The following FAM91A1 variants were observed in gnomAD, a reference collection of about 807,000 sequenced individuals.
The protein encoded by FAM91A1 is protein FAM91A1.
In FAM91A1, 41 loss-of-function variants were observed where a neutral mutation model predicts 113.5. The observed-to-expected ratio is 0.36, with a 90% CI of 0.28 to 0.47. FAM91A1 has a LOEUF of 0.47. FAM91A1 is among the 20% of genes least tolerant of loss of function. The pLI, the probability that FAM91A1 is intolerant of heterozygous loss-of-function variation, is 1.00. For synonymous variants in FAM91A1, 307 were observed against 347.9 expected (o/e 0.88, Z 1.31); for missense variants, 696 against 1,001.2 (o/e 0.70, Z 4.11).
At chr8:123,801,968 G>C (rs1233971888) in intron 18 of FAM91A1, among the ~76,000 whole-genome samples, 1 of 152,164 alleles carries the variant, frequency 6.6e-6, no homozygotes, top group Non-Finnish European at 1.5e-5. Flanking sequence ...GGGTGAGTTG[G>C]AGTGTGAGGG....
At position 123,785,663 on chromosome 8, in the gene FAM91A1, C is replaced by A; in HGVS notation, c.884C>A (p.Ala295Asp). ...TCAATGTATTGCCGATTGGGCTTTG[C>A]CCATAAGAAGGGACAAGTAATTAAT... is the stretch of plus-strand genomic sequence containing the variant. ...AVSMYCRLGF[A>D]HKKGQVINLD... Residue 295 changes from alanine (A) to aspartate (D), a missense_variant, in exon 11 of 24, where the codon GCC (alanine) becomes GAC (aspartate). Ala to Asp is a moderately radical substitution (Grantham distance 126). Coordinates refer to ENST00000334705, the MANE Select transcript of FAM91A1 (RefSeq NM_144963.4). 1 of 1,608,838 alleles carries A rather than the reference C, an allele frequency of 6.2e-7. No homozygotes were observed. Among genetic ancestry groups the A allele is most frequent in the Admixed American group, 1.7e-5 (1 of 58,504 alleles).
rs542614052 is a variant in FAM91A1, at chr8:123,813,485, A to T, written c.*781A>T. On this transcript the variant is annotated 3_prime_UTR_variant, in exon 24 of 24. Coordinates refer to ENST00000334705, the MANE Select transcript of FAM91A1 (RefSeq NM_144963.4). ...CCACTCTTGTAGCTATAGCTGCTGC[A>T]CACTTTCACCCTGATTTATTTTTTT... 1.3e-5 allele frequency: 2 copies of T among 152,608 alleles called. No individual in the cohort carries two copies. The highest frequency in any genetic ancestry group is 2.9e-5 in the Non-Finnish European group (2 of 68,002). The allele number at this position is 152,608 out of a possible 1,614,324, so 9.5% of individuals were successfully genotyped here. A position where few individuals can be genotyped will look rare whatever the true frequency, so the allele number is the denominator to read the frequency against.
intron 3 of FAM91A1, among the ~76,000 whole-genome samples, chr8:123,776,742 C>T (rs548550849): frequency 2.0e-5 from 3 of 152,150 alleles, no homozygotes; most frequent in African/African-American, 7.2e-5. Context: ...GCCTTATCCC[C>T]ACAGGAAGCA....
At chr8:123,796,988 G>A (rs755586627) in intron 15 of FAM91A1, among the ~76,000 whole-genome samples, 117 of 151,982 alleles carry the variant, frequency 7.7e-4, no homozygotes, top group Middle Eastern at 3.4e-3. Flanking sequence ...TTGAACCTGG[G>A]AGGCAGAGGT....
chr8:123,805,159 T>A lies in FAM91A1; in HGVS notation c.1810-108T>A. 3.8e-6 allele frequency: 3 copies of A among 790,632 alleles called. No individual in the cohort carries two copies. In the South Asian group the frequency reaches 5.6e-5, roughly 15 times the overall value. The allele number at this position is 790,632 out of a possible 1,614,324, so 49.0% of individuals were successfully genotyped here. A position where few individuals can be genotyped will look rare whatever the true frequency, so the allele number is the denominator to read the frequency against. On this transcript the variant is annotated intron_variant, in intron 18 of 23. Transcript: ENST00000334705. ...AATTGTTGAAAGAATTTTGATGAGG[T>A]ATTAATATGGAATATACCATTACAT...
intron 23 of FAM91A1, 80 bp downstream of exon 23, chr8:123,810,431 C>T (rs758964188): frequency 6.5e-5 from 78 of 1,192,140 alleles, no homozygotes; most frequent in Admixed American, 6.4e-4. Flanking sequence ...GTTTTTGAGT[C>T]ACCACAGCAG....
intron 15 of FAM91A1, among the ~76,000 whole-genome samples, chr8:123,792,455 A>G (rs2130110866): frequency 6.6e-6 from 1 of 152,234 alleles, no homozygotes; most frequent in South Asian, 2.1e-4. Context: ...CTCGTTTTCT[A>G]AGCATGATTT....
chr8:123,796,837 G>T (rs1026649014), intron 15 of FAM91A1, among the ~76,000 whole-genome samples: 3 of 150,350 alleles, frequency 2.0e-5, no homozygotes, highest in African/African-American at 7.3e-5. Flanking sequence ...GCCGAGGTGG[G>T]CAGATAACGA....
intron 1 of FAM91A1, among the ~76,000 whole-genome samples, chr8:123,769,978 CAG>C (rs1227321304): frequency 2.9e-5 from 2 of 69,274 alleles, no homozygotes; most frequent in East Asian, 7.0e-4. Flanking sequence ...TTCTTTGAGA[CAG>C]AGTCTCCTGT....
chr8:123,777,609 A>G (rs982980288), intron 4 of FAM91A1, among the ~76,000 whole-genome samples: 2 of 152,210 alleles, frequency 1.3e-5, no homozygotes, highest in African/African-American at 2.4e-5. Context: ...CTGTGTGTAT[A>G]TTGAATGTGG....
chr8:123,776,533 A>G (rs1814987943), intron 3 of FAM91A1, among the ~76,000 whole-genome samples: 1 of 152,212 alleles, frequency 6.6e-6, no homozygotes, highest in Admixed American at 6.5e-5. Flanking sequence ...GGGTAGCATA[A>G]TGAAGGTGGC....
intron 8 of FAM91A1, among the ~76,000 whole-genome samples, chr8:123,783,269 A>G (rs1349395962): frequency 1.3e-5 from 2 of 152,224 alleles, no homozygotes; most frequent in East Asian, 3.8e-4. Context: ...GAAAATGTAT[A>G]TATAAAGTAC....
intron 15 of FAM91A1, among the ~76,000 whole-genome samples, chr8:123,790,570 A>G (rs1815359824): frequency 6.6e-6 from 1 of 152,074 alleles, no homozygotes; most frequent in Non-Finnish European, 1.5e-5. Context: ...CCTAAAAACT[A>G]TTTTTTCTGG....
intron 10 of FAM91A1, 32 bp from the exon 11 acceptor site, chr8:123,785,597 A>G (rs770759392): frequency 1.4e-6 from 2 of 1,380,140 alleles, no homozygotes; most frequent in Admixed American, 3.7e-5. Flanking sequence ...TTTATTTTAA[A>G]TGGTAATTAG....
intron 18 of FAM91A1, among the ~76,000 whole-genome samples, chr8:123,801,198 G>T (rs1815670592): frequency 6.6e-6 from 1 of 152,086 alleles, no homozygotes; most frequent in African/African-American, 2.4e-5. Context: ...GGTGTGGAAT[G>T]GTATCTCATT....
intron 15 of FAM91A1, among the ~76,000 whole-genome samples, chr8:123,792,239 T>G (rs935939156): frequency 6.6e-6 from 1 of 152,176 alleles, no homozygotes; most frequent in Non-Finnish European, 1.5e-5. Context: ...AAAAAGAATT[T>G]TCTTTTTATG....
In FAM91A1 at chr8:123,814,464, C is replaced by A; in HGVS notation, c.*1760C>A. ...AACTGTAATGACATGTACACTAATACAGAATTGAACATTTGTAGTTGTTGG... is the reference window on the plus strand; with the variant it reads ...AACTGTAATGACATGTACACTAATAAAGAATTGAACATTTGTAGTTGTTGG... On this transcript the variant is annotated 3_prime_UTR_variant, in exon 24 of 24. Transcript: ENST00000334705. 1 of 163,452 alleles carries A rather than the reference C, an allele frequency of 6.1e-6. No individual in the cohort carries two copies. Among genetic ancestry groups the A allele is most frequent in the South Asian group, 1.5e-4 (1 of 6,684 alleles). The allele number at this position is 163,452 out of a possible 1,614,324, so 10.1% of individuals were successfully genotyped here. A position where few individuals can be genotyped will look rare whatever the true frequency, so the allele number is the denominator to read the frequency against.
chr8:123,774,978 A>G (rs1814945623), intron 2 of FAM91A1, among the ~76,000 whole-genome samples, 169 bp from the exon 3 acceptor site: 1 of 152,080 alleles, frequency 6.6e-6, no homozygotes, highest in Non-Finnish European at 1.5e-5. Flanking sequence ...ATACTCTAAA[A>G]TCTATTTCAT....
At chr8:123,792,448 G>A (rs1204199726) in intron 15 of FAM91A1, among the ~76,000 whole-genome samples, 2 of 151,928 alleles carry the variant, frequency 1.3e-5, no homozygotes, top group Admixed American at 6.6e-5. Context: ...TTTTTTTCTC[G>A]TTTTCTAAGC....
Sources: gnomAD v4.1 joint callset for allele counts (sites outside exome capture counted in the v4.1 genomes callset) on GRCh38, gnomAD v4.1.1 for gene constraint, MANE v1.5 for transcripts, NCBI Gene and HGNC (gene_info 2026-07-23, HGNC 2026-07-21) for gene names.